HACD4: variants seen among roughly 807,000 people sequenced by gnomAD.
HACD4 encodes the protein 3-hydroxyacyl-CoA dehydratase 4, also known as very-long-chain (3R)-3-hydroxyacyl-CoA dehydratase 4.
A neutral mutation model predicts 33.3 loss-of-function variants in HACD4; 35 were observed. That is an observed-to-expected ratio of 1.05 (90% CI 0.80 to 1.39). The LOEUF (loss-of-function observed/expected upper bound fraction) is 1.39, where lower values mean the gene tolerates loss of function less well. HACD4 is among the 40% of genes most tolerant of loss of function. The pLI is 0.00. For synonymous variants in HACD4, 118 were observed against 98.0 expected, an observed-to-expected ratio of 1.20 and a Z score of -1.21; for missense variants, 323 against 276.5, an observed-to-expected ratio of 1.17 and a Z score of -1.19.
rs981365254 is a variant in HACD4, at chr9:21,005,180, A to C, written c.*1857T>G. On this transcript the variant is annotated 3_prime_UTR_variant, in exon 7 of 7. Transcript: ENST00000495827. The surrounding 1 kb of genome is among the most constrained non-coding windows in gnomAD (Gnocchi z 4.0). Reference sequence around the variant, plus strand: ...TTTGTGGAAAGTAAAATTGTGAGCCATGAAATTAGATATTGAACTGAAGAG... The same window carrying C: ...TTTGTGGAAAGTAAAATTGTGAGCCCTGAAATTAGATATTGAACTGAAGAG... The C allele has an allele frequency of 1.2e-4, 18 of 152,220 alleles. No homozygotes were observed. The highest frequency in any genetic ancestry group is 3.3e-4 in the Admixed American group (5 of 15,276). 9.4% of individuals were successfully genotyped at this position (152,220 alleles called of 1,614,324 possible).
At chr9:21,023,040 A>C (rs1023542250) in intron 3 of HACD4, among the ~76,000 whole-genome samples, 3 of 152,208 alleles carry the variant, frequency 2.0e-5, no homozygotes, top group South Asian at 2.1e-4. Context: ...ATGCAGCCAT[A>C]AAAAATGATG....
intron 3 of HACD4, among the ~76,000 whole-genome samples, chr9:21,019,387 A>G (rs1224506559): frequency 6.6e-6 from 1 of 152,134 alleles, no homozygotes; most frequent in African/African-American, 2.4e-5. Context: ...ATTAGCATCT[A>G]TTGTTACATA....
In HACD4 at chr9:21,000,321, C is replaced by T. The variant is rs1307577669; in HGVS notation, c.*6716G>A. 2 of 152,160 alleles carry T rather than the reference C, an allele frequency of 1.3e-5. No homozygotes were observed. The highest frequency in any genetic ancestry group is 2.9e-5 in the Non-Finnish European group (2 of 68,012). The allele number at this position is 152,160 out of a possible 1,614,324, so 9.4% of individuals were successfully genotyped here. A position where few individuals can be genotyped will look rare whatever the true frequency, so the allele number is the denominator to read the frequency against. On this transcript the variant is annotated 3_prime_UTR_variant, in exon 7 of 7. Coordinates refer to ENST00000495827, the MANE Select transcript of HACD4 (RefSeq NM_001010915.5). ...AAGGATTTTTAAAGCCATAAAAAATCATCCCTGTTCTGAAAACATTGGTGG... is the reference window on the plus strand; with the variant it reads ...AAGGATTTTTAAAGCCATAAAAAATTATCCCTGTTCTGAAAACATTGGTGG...
chr9:21,011,706 A>G lies in HACD4; in HGVS notation c.384-11T>C. On this transcript the variant is annotated splice_polypyrimidine_tract_variant and intron_variant, in intron 4 of 6. Coordinates refer to ENST00000495827, the MANE Select transcript of HACD4 (RefSeq NM_001010915.5). ...ATGCTATAAGTGTACCTGAAAGGAG[A>G]TGAGAAGCTCATAAACATCATTTTC... is the stretch of plus-strand genomic sequence containing the variant. The G allele has an allele frequency of 6.9e-7, 1 of 1,443,806 alleles. No individual in the cohort carries two copies. Among genetic ancestry groups the G allele is most frequent in the East Asian group, 2.3e-5 (1 of 43,732 alleles). 89.4% of individuals were successfully genotyped at this position (1,443,806 alleles called of 1,614,324 possible). A position where few individuals can be genotyped will look rare whatever the true frequency, so the allele number is the denominator to read the frequency against.
rs1457217847 is a variant in HACD4, at chr9:21,003,075, A to G, written c.*3962T>C. On this transcript the variant is annotated 3_prime_UTR_variant, in exon 7 of 7. Coordinates refer to ENST00000495827, the MANE Select transcript of HACD4 (RefSeq NM_001010915.5). ...ATTGTGAATACAGGCAACCAACCAC[A>G]GTAGTATTAACAATTGTGTCTGTCA... is the stretch of plus-strand genomic sequence containing the variant. 5.3e-5 allele frequency: 8 copies of G among 152,298 alleles called. No individual in the cohort carries two copies. Among genetic ancestry groups the G allele is most frequent in the African/African-American group, 1.7e-4 (7 of 41,568 alleles). 9.4% of individuals were successfully genotyped at this position (152,298 alleles called of 1,614,324 possible). A position where few individuals can be genotyped will look rare whatever the true frequency, so the allele number is the denominator to read the frequency against.
chr9:21,015,131 C>T (rs1323601573), intron 4 of HACD4: 1 of 152,174 alleles, frequency 6.6e-6, no homozygotes, highest in African/African-American at 2.4e-5. Context: ...CACTCTAGGA[C>T]TCAACTTATT....
chr9:21,012,212 G>A (rs1350403594), intron 4 of HACD4, among the ~76,000 whole-genome samples: 1 of 152,220 alleles, frequency 6.6e-6, no homozygotes, highest in Non-Finnish European at 1.5e-5. Flanking sequence ...CCACTGTGAT[G>A]TAAAAAGTAG....
intron 4 of HACD4, among the ~76,000 whole-genome samples, chr9:21,013,058 C>T (rs890584668): frequency 3.5e-5 from 5 of 143,082 alleles, no homozygotes; most frequent in Admixed American, 2.8e-4. Flanking sequence ...GAGAGCAAGA[C>T]TCCATCTCAA....
Position 21,001,697 on chromosome 9 carries a change from A to C in HACD4, c.*5340T>G, listed in dbSNP as rs1842168559. On this transcript the variant is annotated 3_prime_UTR_variant, in exon 7 of 7. Coordinates refer to ENST00000495827, the MANE Select transcript of HACD4 (RefSeq NM_001010915.5). ...TTTCTCATCAGAAACTTTGGAGGCC[A>C]GAATGCAGTGAGCTCACATATTCAA... The C allele has an allele frequency of 6.6e-6, 1 of 152,176 alleles. No individual in the cohort carries two copies. Among genetic ancestry groups the C allele is most frequent in the African/African-American group, 2.4e-5 (1 of 41,468 alleles). The allele number at this position is 152,176 out of a possible 1,614,324, so 9.4% of individuals were successfully genotyped here. A position where few individuals can be genotyped will look rare whatever the true frequency, so the allele number is the denominator to read the frequency against.
chr9:21,008,146 G>C lies in HACD4; in HGVS notation c.491C>G (p.Ala164Gly). The change falls in exon 6 of 7, where the codon GCA becomes GGA. Residue 164 changes from alanine (A) to glycine (G), a missense_variant and splice_region_variant. Transcript: ENST00000495827. ...AGGCAGCGATTGATAGATGGCAAAT[G>C]CTGTTAAAAAAGAAAGGCATCATAA... ...PIYPLCVLAEAFAIYQSLPYF... is the reference protein window; with the variant it reads ...PIYPLCVLAEGFAIYQSLPYF... The C allele has an allele frequency of 9.4e-6, 15 of 1,604,184 alleles. No individual in the cohort carries two copies. Among genetic ancestry groups the C allele is most frequent in the Non-Finnish European group, 1.3e-5 (15 of 1,175,966 alleles).
intron 1 of HACD4, chr9:21,031,261 T>TG (rs1238502573): frequency 5.9e-6 from 1 of 169,052 alleles, no homozygotes; most frequent in African/African-American, 2.4e-5. Flanking sequence ...AGAAGGCTCC[T>TG]GGGGGGAGGG....
rs2132758071 is a variant in HACD4, at chr9:21,001,543, A to G, written c.*5494T>C. The G allele has an allele frequency of 6.8e-6, 1 of 146,788 alleles. No homozygotes were observed. Among genetic ancestry groups the G allele is most frequent in the South Asian group, 2.2e-4 (1 of 4,614 alleles). The allele number at this position is 146,788 out of a possible 1,614,324, so 9.1% of individuals were successfully genotyped here. A position where few individuals can be genotyped will look rare whatever the true frequency, so the allele number is the denominator to read the frequency against. On this transcript the variant is annotated 3_prime_UTR_variant, in exon 7 of 7. Transcript: ENST00000495827. Reference sequence around the variant, plus strand: ...AAGAACAGCCAGATAATGACCAACAAACTCCAAGTAGAATGAATTCCAAGA... The same window carrying G: ...AAGAACAGCCAGATAATGACCAACAGACTCCAAGTAGAATGAATTCCAAGA...
At chr9:21,023,083 C>T (rs1025444020) in intron 3 of HACD4, among the ~76,000 whole-genome samples, 1 of 152,002 alleles carries the variant, frequency 6.6e-6, no homozygotes, top group African/African-American at 2.4e-5. Flanking sequence ...ATGGATGAAG[C>T]TGGAAACCAT....
chr9:21,001,238 A>G lies in HACD4; in HGVS notation c.*5799T>C, dbSNP rs1042544667. The G allele has an allele frequency of 2.0e-5, 3 of 152,078 alleles. No homozygotes were observed. Among genetic ancestry groups the G allele is most frequent in the African/African-American group, 7.2e-5 (3 of 41,442 alleles). 9.4% of individuals were successfully genotyped at this position (152,078 alleles called of 1,614,324 possible). On this transcript the variant is annotated 3_prime_UTR_variant, in exon 7 of 7. Transcript: ENST00000495827. ...GAACAAAATGGTAATATCAATATAG[A>G]GAAAATCTAAGACGATACAAAAAAG...
At chr9:21,024,087 T>G (rs1332120319) in intron 3 of HACD4, among the ~76,000 whole-genome samples, 1 of 152,270 alleles carries the variant, frequency 6.6e-6, no homozygotes, top group Non-Finnish European at 1.5e-5. Flanking sequence ...ATGAGGGAAT[T>G]CTAATTGTCT....
chr9:21,028,175 A>G (rs1241984840), intron 2 of HACD4, among the ~76,000 whole-genome samples: 1 of 151,498 alleles, frequency 6.6e-6, no homozygotes, highest in Non-Finnish European at 1.5e-5. Context: ...AAAAAAAAAG[A>G]AAGAAAAGAA....
chr9:21,000,347 C>G lies in HACD4; in HGVS notation c.*6690G>C, dbSNP rs1036549210. 1.3e-5 allele frequency: 2 copies of G among 152,098 alleles called. No individual in the cohort carries two copies. Among genetic ancestry groups the G allele is most frequent in the Non-Finnish European group, 2.9e-5 (2 of 67,992 alleles). The allele number at this position is 152,098 out of a possible 1,614,324, so 9.4% of individuals were successfully genotyped here. A position where few individuals can be genotyped will look rare whatever the true frequency, so the allele number is the denominator to read the frequency against. ...ATCCCTGTTCTGAAAACATTGGTGG[C>G]TTTTATATAAGTAGTTCTTTTTAGC... On this transcript the variant is annotated 3_prime_UTR_variant, in exon 7 of 7. Transcript: ENST00000495827.
intron 2 of HACD4, among the ~76,000 whole-genome samples, chr9:21,028,633 T>G (rs1818126754): frequency 6.6e-6 from 1 of 152,196 alleles, no homozygotes; most frequent in Non-Finnish European, 1.5e-5. Flanking sequence ...GTCAAGTCAC[T>G]CAACAGTTGT....
Position 21,008,085 on chromosome 9 carries a change from C to A in HACD4, c.552G>T (p.Leu184=). 3 of 1,611,130 alleles carry A rather than the reference C, an allele frequency of 1.9e-6. No homozygotes were observed. The highest frequency in any genetic ancestry group is 2.5e-6 in the Non-Finnish European group (3 of 1,178,378). The change falls in exon 6 of 7, where the codon CTG becomes CTT. Residue 184 remains leucine, a synonymous_variant. Transcript: ENST00000495827. ...GGAAATAGATGGATAAGTCAAAGGGCAGCTTGGTGGAATAAGTGCCAAATG... is the reference window on the plus strand; with the variant it reads ...GGAAATAGATGGATAAGTCAAAGGGAAGCTTGGTGGAATAAGTGCCAAATG... ...FESFGTYSTK[L]PFDLSIYFPY... is the part of the protein sequence containing the mutation.
Sources: allele counts gnomAD v4.1 joint callset (sites outside exome capture counted in the v4.1 genomes callset), GRCh38; gene constraint gnomAD v4.1.1; non-coding constraint Gnocchi (gnomAD v3.1); transcripts MANE v1.5; gene names NCBI Gene and HGNC (gene_info 2026-07-23, HGNC 2026-07-21).